Variants in HPSE2 observed in about 807,000 individuals in gnomAD.
HPSE2 encodes the protein heparanase 2 (inactive).
In HPSE2, 38 loss-of-function variants were observed where a neutral mutation model predicts 60.5. The ratio of observed to expected loss-of-function variants is 0.63; its 90% CI spans 0.48 to 0.82. The LOEUF (loss-of-function observed/expected upper bound fraction) is 0.82. Among genes scored for constraint, HPSE2 ranks in the 40% least tolerant of loss-of-function variants. The pLI is 0.00. For missense variants in HPSE2, 713 were observed against 740.4 expected (o/e 0.96, Z 0.43); for synonymous variants, 295 against 293.2 (o/e 1.01, Z -0.06).
chr10:98,761,357 A>T (rs144355239), intron 3 of HPSE2, among the ~76,000 whole-genome samples: 1 of 152,014 alleles, frequency 6.6e-6, no homozygotes, highest in Admixed American at 6.6e-5. Context: ...GATCTTTTCT[A>T]TTTGTTTCTT....
At chr10:98,566,760 C>T (rs371144088) in intron 9 of HPSE2, among the ~76,000 whole-genome samples, 23 of 152,202 alleles carry the variant, frequency 1.5e-4, no homozygotes, top group African/African-American at 4.6e-4. Context: ...GTTCATTTCT[C>T]CACTTCCTAA....
intron 3 of HPSE2, among the ~76,000 whole-genome samples, chr10:98,932,553 C>A (rs1256119964): frequency 7.0e-5 from 10 of 142,938 alleles, no homozygotes. Context: ...GGTACCAGCT[C>A]CTCGTTGTAC....
rs182548856 is a variant in HPSE2 at position 99,168,551 on chromosome 10, T to C, written c.449-24152A>G. Among the ~76,000 whole-genome samples, 696 of 152,368 alleles carry C rather than the reference T, an allele frequency of 4.6e-3. 4 individuals carry two copies. The highest frequency in any genetic ancestry group is 0.016 in the African/African-American group (666 of 41,586). ...CTCTTACATTTTTATTTACTTTACCTTTCTTATTTGTAGTAAGACATAAAA... is the reference window on the plus strand; with the variant it reads ...CTCTTACATTTTTATTTACTTTACCCTTCTTATTTGTAGTAAGACATAAAA... On this transcript the variant is annotated intron_variant, in intron 2 of 11. Coordinates refer to ENST00000370552, the MANE Select transcript of HPSE2 (RefSeq NM_021828.5).
chr10:99,220,006 C>A (rs1032578619), intron 2 of HPSE2, among the ~76,000 whole-genome samples: 1 of 152,138 alleles, frequency 6.6e-6, no homozygotes, highest in African/African-American at 2.4e-5. Flanking sequence ...CAGTGATATA[C>A]TATTTGAGCC....
In HPSE2 at chr10:98,857,070, T is replaced by A. The variant is rs142183696; in HGVS notation, c.611-113014A>T. 5.9e-5 allele frequency among the ~76,000 whole-genome samples: 9 copies of A among 152,306 alleles called. No individual in the cohort carries two copies. In the East Asian group the frequency reaches 1.7e-3, roughly 29 times the overall value. ...TGTCCATCAAGTCTTAATCACAAAATGTTAGAATTAGTAGGGTCACTCAGA... is the reference window on the plus strand; with the variant it reads ...TGTCCATCAAGTCTTAATCACAAAAAGTTAGAATTAGTAGGGTCACTCAGA... On this transcript the variant is annotated intron_variant, in intron 3 of 11. Coordinates refer to ENST00000370552, the MANE Select transcript of HPSE2 (RefSeq NM_021828.5).
chr10:99,183,954 T>C (rs566395720), intron 2 of HPSE2, among the ~76,000 whole-genome samples: 1 of 152,120 alleles, frequency 6.6e-6, no homozygotes, highest in South Asian at 2.1e-4. Context: ...CTAAGAACTG[T>C]TTTTTACCAC....
the HPSE2 span, among the ~76,000 whole-genome samples, chr10:99,292,167 G>A: frequency 6.6e-6 from 1 of 152,166 alleles, no homozygotes. Flanking sequence ...GGGAAGAAAG[G>A]GGAGAGGAGC....
chr10:98,817,339 T>C (rs1011406284), intron 3 of HPSE2, among the ~76,000 whole-genome samples: 10 of 152,174 alleles, frequency 6.6e-5, no homozygotes, highest in East Asian at 1.9e-4. Context: ...TCTGGAACAG[T>C]TGACTTTCTA....
intron 3 of HPSE2, among the ~76,000 whole-genome samples, chr10:98,797,291 C>A (rs1005819760): frequency 2.0e-5 from 3 of 151,840 alleles, no homozygotes; most frequent in Non-Finnish European, 2.9e-5. Context: ...TAACAAAGAG[C>A]TCGAAATAAT....
At chr10:98,562,199 A>C (rs772337997) in intron 9 of HPSE2, among the ~76,000 whole-genome samples, 2 of 152,160 alleles carry the variant, frequency 1.3e-5, no homozygotes, top group African/African-American at 2.4e-5. Context: ...GTAGCCTAGG[A>C]GCAATAGGTT....
intron 3 of HPSE2, among the ~76,000 whole-genome samples, chr10:98,969,831 G>A (rs539471844): frequency 6.6e-6 from 1 of 152,286 alleles, no homozygotes; most frequent in East Asian, 1.9e-4. Flanking sequence ...GGCTGTAGAG[G>A]AAGCATGGCA....
chr10:99,121,967 T>G (rs556037194), intron 3 of HPSE2, among the ~76,000 whole-genome samples: 1 of 152,116 alleles, frequency 6.6e-6, no homozygotes, highest in Non-Finnish European at 1.5e-5. Flanking sequence ...GATCCTATAC[T>G]TATTGCTATA....
chr10:99,048,166 T>G (rs764431289), intron 3 of HPSE2: 165 of 728,054 alleles, frequency 2.3e-4, no homozygotes, highest in Non-Finnish European at 3.5e-4. Context: ...CTTTGATTGC[T>G]TGATCTCTCG....
At chr10:98,882,894 A>T (rs373039820) in intron 3 of HPSE2, among the ~76,000 whole-genome samples, 12 of 152,264 alleles carry the variant, frequency 7.9e-5, no homozygotes, top group African/African-American at 2.6e-4. Flanking sequence ...TACAGAGGAG[A>T]TAATAACTAT....
chr10:98,748,258 T>A (rs1949674222), intron 3 of HPSE2, among the ~76,000 whole-genome samples: 2 of 152,192 alleles, frequency 1.3e-5, no homozygotes, highest in South Asian at 2.1e-4. Flanking sequence ...TGAGCCAAGA[T>A]CACACCATTG....
At chr10:99,184,808 A>ATG (rs1847922182) in intron 2 of HPSE2, among the ~76,000 whole-genome samples, 1 of 36,922 alleles carries the variant, frequency 2.7e-5, no homozygotes, top group African/African-American at 5.7e-5. Context: ...ATATATATAT[A>ATG]TATATATATA....
chr10:99,172,934 G>A (rs527782626), intron 2 of HPSE2, among the ~76,000 whole-genome samples: 113 of 152,260 alleles, frequency 7.4e-4, no homozygotes, highest in Non-Finnish European at 1.3e-3. Flanking sequence ...GTGTAATCAA[G>A]GGGATGACAT....
At chr10:99,079,832 T>C (rs1466654744) in intron 3 of HPSE2, among the ~76,000 whole-genome samples, 1 of 152,118 alleles carries the variant, frequency 6.6e-6, no homozygotes, top group Admixed American at 6.5e-5. Context: ...GCAGCTAAAG[T>C]ATGCCAGGTC....
rs141422695 is a variant in HPSE2 at position 98,482,657 on chromosome 10, C to T, written c.1592G>A (p.Gly531Glu). The T allele has an allele frequency of 5.6e-6, 9 of 1,614,052 alleles. No individual in the cohort carries two copies. The highest frequency in any genetic ancestry group is 2.2e-5 in the East Asian group (1 of 44,886). The change falls in exon 11 of 12, where the codon GGG (glycine) becomes GAG (glutamate). Residue 531 changes from glycine to glutamate, a missense_variant. Transcript: ENST00000370552. ...GTACTTGGACTTTAGGCCCTCCTGC[C>T]CATAGGGCTGCAGCAGGTACTGGTG... ...LVHQYLLQPY[G>E]QEGLKSKSVQ...
Sources: allele counts gnomAD v4.1 joint callset (sites outside exome capture counted in the v4.1 genomes callset), GRCh38; gene constraint gnomAD v4.1.1; transcripts MANE v1.5; gene names NCBI Gene and HGNC (gene_info 2026-07-23, HGNC 2026-07-21).